OGDH: variants seen among roughly 807,000 people sequenced by gnomAD.
OGDH encodes 2-oxoglutarate dehydrogenase complex component E1.
A neutral mutation model predicts 116.6 loss-of-function variants in OGDH; 38 were observed. The ratio of observed to expected loss-of-function variants is 0.33; its 90% CI spans 0.25 to 0.43. The LOEUF (loss-of-function observed/expected upper bound fraction) is 0.43, where lower values mean the gene tolerates loss of function less well. OGDH is among the 20% of genes least tolerant of loss of function. The pLI, the probability that OGDH is intolerant of heterozygous loss-of-function variation, is 1.00. For synonymous variants in OGDH, 488 were observed against 533.3 expected, an observed-to-expected ratio of 0.92 and a Z score of 1.17; for missense variants, 825 against 1,357.2, an observed-to-expected ratio of 0.61 and a Z score of 6.16.
intron 4 of OGDH, among the ~76,000 whole-genome samples, chr7:44,652,144 TG>T (rs769623622): frequency 6.6e-6 from 1 of 151,540 alleles, no homozygotes; most frequent in Non-Finnish European, 1.5e-5. Flanking sequence ...GTTTCGCTCT[TG>T]TTGCCCAGGC....
At position 44,698,233 on chromosome 7, in the gene OGDH, G is replaced by A. The variant is rs1041049690; in HGVS notation, c.2400G>A (p.Gln800=). ...HSSARPERFL[Q]MCNDDPDVLP... is the part of the protein sequence containing the mutation. ...CCGCCCGCCCAGAGCGGTTCTTGCA[G>A]ATGTGCAACGATGACCCAGATGTCC... is the stretch of plus-strand genomic sequence containing the variant. Residue 800 remains glutamine, a synonymous_variant, in exon 18 of 23, where the codon CAG becomes CAA. Coordinates refer to ENST00000222673, the MANE Select transcript of OGDH (RefSeq NM_002541.4). 4.3e-6 allele frequency: 7 copies of A among 1,614,172 alleles called. No homozygotes were observed. In the South Asian group the frequency reaches 7.7e-5, roughly 18 times the overall value.
At position 44,700,227 on chromosome 7, in the gene OGDH, C is replaced by G; in HGVS notation, c.2517C>G (p.Phe839Leu). The G allele has an allele frequency of 1.2e-6, 2 of 1,614,254 alleles. No homozygotes were observed. Among genetic ancestry groups the G allele is most frequent in the Non-Finnish European group, 1.7e-6 (2 of 1,180,042 alleles). Residue 839 changes from phenylalanine (F) to leucine (L), a missense_variant, in exon 19 of 23, where the codon TTC (phenylalanine) becomes TTG (leucine). This residue lies in a region of OGDH where 212 missense variants were observed against 284.3 expected (regional missense o/e 0.75). Transcript: ENST00000222673. Reference protein sequence around the residue: ...VVNCSTPGNFFHVLRRQILLP... With the variant: ...VVNCSTPGNFLHVLRRQILLP... ...ACTGCTCCACTCCTGGCAACTTCTT[C>G]CACGTGCTACGACGCCAGATCCTGC...
At chr7:44,630,041 G>T (rs187832516) in intron 2 of OGDH, among the ~76,000 whole-genome samples, 1 of 152,276 alleles carries the variant, frequency 6.6e-6, no homozygotes, top group Non-Finnish European at 1.5e-5. Context: ...CTCATCTGTC[G>T]ACACCGTTCT....
intron 20 of OGDH, among the ~76,000 whole-genome samples, chr7:44,703,246 T>C (rs1788919943): frequency 6.6e-6 from 1 of 151,970 alleles, no homozygotes; most frequent in Non-Finnish European, 1.5e-5. Flanking sequence ...TGAAACCCCG[T>C]CTCTATTAAA....
At chr7:44,634,070 C>A (rs769922750) in intron 2 of OGDH, among the ~76,000 whole-genome samples, 16 of 152,214 alleles carry the variant, frequency 1.1e-4, no homozygotes, top group Non-Finnish European at 1.9e-4. Flanking sequence ...TTTCCCCACT[C>A]CTCCCACTGC....
chr7:44,608,092 C>T (rs775593578), intron 1 of OGDH, among the ~76,000 whole-genome samples: 1 of 152,094 alleles, frequency 6.6e-6, no homozygotes, highest in Non-Finnish European at 1.5e-5. Context: ...ACATACCATA[C>T]GATTCACCCA....
At chr7:44,656,170 ATG>A (rs759642375) in intron 4 of OGDH, 431 of 674,882 alleles carry the variant, frequency 6.4e-4, no homozygotes, top group South Asian at 9.1e-4. Context: ...TTCTCCCTTG[ATG>A]TGTGTGTGTG....
chr7:44,674,612 G>A, intron 7 of OGDH, 55 bp downstream of exon 7: 1 of 1,597,912 alleles, frequency 6.3e-7, no homozygotes, highest in Non-Finnish European at 8.6e-7. Flanking sequence ...GGGCTGTGTA[G>A]GAGGCACCAG....
rs775233361 is a variant in OGDH, at chr7:44,708,029, C to A, written c.*30C>A. The A allele has an allele frequency of 6.2e-7, 1 of 1,603,268 alleles. No homozygotes were observed. The highest frequency in any genetic ancestry group is 1.3e-5 in the African/African-American group (1 of 74,762). On this transcript the variant is annotated 3_prime_UTR_variant, in exon 23 of 23. Transcript: ENST00000222673. The stretch of plus-strand genomic sequence containing the variant: ...TGCCTAGGGTTGCTTGGGCCACTGC[C>A]CTCTCCACACCCATGACTGCCCCTT...
intron 2 of OGDH, among the ~76,000 whole-genome samples, chr7:44,632,686 C>T (rs909270441): frequency 2.6e-5 from 4 of 151,844 alleles, no homozygotes; most frequent in East Asian, 2.0e-4. Context: ...GGCACGATCT[C>T]GGCTCACTGC....
rs956773087 is a variant in OGDH, at chr7:44,709,002, A to AT, written c.*1003_*1004insT. 6.6e-6 allele frequency: 1 copy of AT among 152,102 alleles called. No homozygotes were observed. Among genetic ancestry groups the AT allele is most frequent in the African/African-American group, 2.4e-5 (1 of 41,394 alleles). The allele number at this position is 152,102 out of a possible 1,614,324, so 9.4% of individuals were successfully genotyped here. A position where few individuals can be genotyped will look rare whatever the true frequency, so the allele number is the denominator to read the frequency against. ...GATTTATTTATTTTGGTTAAAAAAA[A>AT]AAAAAAGGAACAGAAACAACTTTGC... is the stretch of plus-strand genomic sequence containing the variant. On this transcript the variant is annotated 3_prime_UTR_variant, in exon 23 of 23. Transcript: ENST00000222673.
intron 4 of OGDH, among the ~76,000 whole-genome samples, chr7:44,662,459 CTTTTCT>C (rs1463565518): frequency 1.5e-4 from 21 of 143,222 alleles, no homozygotes; most frequent in African/African-American, 5.5e-4. Flanking sequence ...CTTTTCTTTT[CTTTTCT>C]TTTTTTTTTT....
chr7:44,661,705 G>A (rs938129069), intron 4 of OGDH, among the ~76,000 whole-genome samples: 5 of 151,970 alleles, frequency 3.3e-5, no homozygotes, highest in East Asian at 1.9e-4. Context: ...CGGTTCAAGC[G>A]ATTCTCCTGC....
chr7:44,647,595 C>A (rs1171320393), intron 3 of OGDH, 62 bp from the exon 4 acceptor site: 12 of 1,585,192 alleles, frequency 7.6e-6, no homozygotes, highest in Non-Finnish European at 1.0e-5. Context: ...TACCCCTTCC[C>A]TCTTTTTTTT....
chr7:44,616,749 A>G (rs956112714), intron 1 of OGDH, among the ~76,000 whole-genome samples: 5 of 146,070 alleles, frequency 3.4e-5, no homozygotes, highest in Admixed American at 2.1e-4. Flanking sequence ...ATATAAGTGT[A>G]TATGTGTATA....
chr7:44,632,542 C>T (rs1055656354), intron 2 of OGDH, among the ~76,000 whole-genome samples: 5 of 152,152 alleles, frequency 3.3e-5, no homozygotes, highest in Non-Finnish European at 7.3e-5. Context: ...GGCTTCAAGC[C>T]ATCCTCCTGC....
At chr7:44,632,305 T>A (rs1433572749) in intron 2 of OGDH, among the ~76,000 whole-genome samples, 1 of 151,870 alleles carries the variant, frequency 6.6e-6, no homozygotes, top group African/African-American at 2.4e-5. Flanking sequence ...CTTTTGGAGC[T>A]CTTCTTTTTG....
chr7:44,656,142 A>G (rs1433544993), intron 4 of OGDH, among the ~76,000 whole-genome samples: 2 of 152,072 alleles, frequency 1.3e-5, no homozygotes, highest in Non-Finnish European at 2.9e-5. Context: ...TGACCCCCTG[A>G]CCATGTAACC....
At chr7:44,662,348 C>T (rs1479965212) in intron 4 of OGDH, among the ~76,000 whole-genome samples, 1 of 152,116 alleles carries the variant, frequency 6.6e-6, no homozygotes, top group Non-Finnish European at 1.5e-5. Context: ...TCTATTTCTC[C>T]TTCATTCCTA....
Sources: allele counts gnomAD v4.1 joint callset (sites outside exome capture counted in the v4.1 genomes callset), GRCh38; gene constraint gnomAD v4.1.1; regional missense constraint gnomAD v4.1.1; transcripts MANE v1.5; gene names NCBI Gene and HGNC (gene_info 2026-07-23, HGNC 2026-07-21).